The following ABCC9 variants were observed in gnomAD, a reference collection of about 807,000 sequenced individuals.
ABCC9 encodes the protein ATP-binding cassette sub-family C member 9.
A neutral mutation model predicts 188.3 loss-of-function variants in ABCC9; 95 were observed. The ratio of observed to expected loss-of-function variants is 0.50; its 90% CI spans 0.43 to 0.60. The LOEUF (loss-of-function observed/expected upper bound fraction) is 0.60, where lower values mean the gene tolerates loss of function less well. Among genes scored for constraint, ABCC9 ranks in the 20% least tolerant of loss-of-function variants. The pLI is 0.00. For missense variants in ABCC9, 1,102 were observed against 1,876.3 expected, an observed-to-expected ratio of 0.59 and a Z score of 7.62; for synonymous variants, 659 against 652.7, an observed-to-expected ratio of 1.01 and a Z score of -0.15.
At chr12:21,802,477 TTTAACCC>T (rs1941514880) in intron 39 of ABCC9, among the ~76,000 whole-genome samples, 2 of 152,164 alleles carry the variant, frequency 1.3e-5, no homozygotes, top group African/African-American at 4.8e-5. Context: ...TTTAATACAT[TTTAACCC>T]AATCTATTCA....
chr12:21,814,918 C>T (rs372312663), intron 34 of ABCC9, among the ~76,000 whole-genome samples, 196 bp from the exon 35 acceptor site: 14 of 152,118 alleles, frequency 9.2e-5, no homozygotes, highest in Non-Finnish European at 1.6e-4. Context: ...CACAATGGCT[C>T]ACACCTGTAA....
chr12:21,907,997 T>C, intron 11 of ABCC9, 80 bp downstream of exon 11: 1 of 1,396,470 alleles, frequency 7.2e-7, no homozygotes. Flanking sequence ...TCTTTAGTGG[T>C]ATGTATTAAT....
At chr12:21,872,121 A>G (rs912264455) in intron 18 of ABCC9, among the ~76,000 whole-genome samples, 151 of 152,256 alleles carry the variant, frequency 9.9e-4, no homozygotes, top group African/African-American at 3.4e-3. Context: ...CACTAATCAA[A>G]GCTATTCATA....
chr12:21,901,019 G>A (rs959365969), intron 12 of ABCC9, among the ~76,000 whole-genome samples: 10 of 152,130 alleles, frequency 6.6e-5, no homozygotes, highest in Non-Finnish European at 1.5e-4. Flanking sequence ...CACCAAAGTT[G>A]AAATGAAGGA....
At chr12:21,821,552 T>C (rs1943039247) in intron 31 of ABCC9, among the ~76,000 whole-genome samples, 1 of 151,974 alleles carries the variant, frequency 6.6e-6, no homozygotes, top group African/African-American at 2.4e-5. Context: ...AATCACTGGG[T>C]CTAAATAAAT....
At chr12:21,914,014 T>A (rs1458115248) in intron 7 of ABCC9, among the ~76,000 whole-genome samples, 1 of 152,194 alleles carries the variant, frequency 6.6e-6, no homozygotes, top group Non-Finnish European at 1.5e-5. Flanking sequence ...TTAGCAGTTT[T>A]AAAAATTTTA....
chr12:21,816,705 G>T (rs1295746196), intron 33 of ABCC9, among the ~76,000 whole-genome samples: 1 of 152,080 alleles, frequency 6.6e-6, no homozygotes, highest in Non-Finnish European at 1.5e-5. Flanking sequence ...TGTCCTTGAA[G>T]AACTAGATGA....
At chr12:21,838,989 G>A (rs947807811) in intron 29 of ABCC9, among the ~76,000 whole-genome samples, 1 of 152,150 alleles carries the variant, frequency 6.6e-6, no homozygotes, top group East Asian at 1.9e-4. Context: ...TCACTCCACC[G>A]CACTCCAGCC....
chr12:21,898,316 C>T (rs1947527352), intron 12 of ABCC9, among the ~76,000 whole-genome samples: 1 of 152,270 alleles, frequency 6.6e-6, no homozygotes, highest in East Asian at 1.9e-4. Context: ...TTCTTGGCTA[C>T]ATCCATCCTT....
chr12:21,815,948 G>T, intron 33 of ABCC9, 55 bp from the exon 34 acceptor site: 1 of 1,374,926 alleles, frequency 7.3e-7, no homozygotes, highest in Non-Finnish European at 1.0e-6. Context: ...GATTGATGTA[G>T]AAAGAAATGT....
At chr12:21,848,005 A>G (rs1218845607) in intron 25 of ABCC9, 145 bp downstream of exon 25, 6 of 692,418 alleles carry the variant, frequency 8.7e-6, no homozygotes, top group East Asian at 2.9e-5. Context: ...CTTGACTCCT[A>G]TTGTTTCCAT....
chr12:21,805,511 TTGGTG>T (rs769675815), intron 39 of ABCC9, among the ~76,000 whole-genome samples: 11 of 152,190 alleles, frequency 7.2e-5, no homozygotes, highest in Non-Finnish European at 1.2e-4. Context: ...TTCTATTTGA[TTGGTG>T]CTATCTAAAA....
At chr12:21,888,604 A>G (rs1173666241) in intron 14 of ABCC9, among the ~76,000 whole-genome samples, 2 of 152,138 alleles carry the variant, frequency 1.3e-5, no homozygotes, top group African/African-American at 4.8e-5. Flanking sequence ...TATGTATTTG[A>G]CCAATACTCA....
chr12:21,839,456 C>T (rs1323639010), intron 29 of ABCC9, among the ~76,000 whole-genome samples: 2 of 152,192 alleles, frequency 1.3e-5, no homozygotes, highest in African/African-American at 2.4e-5. Flanking sequence ...CTTCCATTCA[C>T]AGTTTCTCTA....
rs188684347 is a variant in ABCC9, at chr12:21,803,069, C to T, written c.4513-1888G>A. Among the ~76,000 whole-genome samples the T allele has an allele frequency of 1.1e-3, 161 of 151,666 alleles. 2 individuals are homozygous for T. The highest frequency in any genetic ancestry group is 3.2e-3 in the African/African-American group (134 of 41,380). On this transcript the variant is annotated intron_variant, in intron 39 of 39. Coordinates refer to ENST00000261200, the MANE Select transcript of ABCC9 (RefSeq NM_020297.4). ...GCAAAAGTAATCATGTCAAAGACCA[C>T]GATTACTTTTGCACCAACCTAATAC...
intron 4 of ABCC9, among the ~76,000 whole-genome samples, chr12:21,933,060 A>T (rs1470194674): frequency 3.5e-5 from 4 of 115,284 alleles, no homozygotes; most frequent in Admixed American, 9.1e-5. Flanking sequence ...CCAGAAAAAA[A>T]CAAGATAATT....
intron 16 of ABCC9, among the ~76,000 whole-genome samples, chr12:21,876,239 T>G (rs757482030): frequency 9.2e-5 from 14 of 152,218 alleles, no homozygotes; most frequent in Non-Finnish European, 1.6e-4. Context: ...CTAAAATCTC[T>G]GAAAATTTGG....
chr12:21,888,867 A>G (rs1246783342), intron 14 of ABCC9, among the ~76,000 whole-genome samples: 1 of 151,662 alleles, frequency 6.6e-6, no homozygotes, highest in East Asian at 1.9e-4. Flanking sequence ...GTGAAGTTGC[A>G]AAGGAAAAGA....
intron 5 of ABCC9, among the ~76,000 whole-genome samples, chr12:21,919,219 T>C (rs921005176): frequency 2.0e-5 from 3 of 151,656 alleles, no homozygotes; most frequent in African/African-American, 7.3e-5. Context: ...AAATGAACAA[T>C]TGATAAAATG....
Sources: allele counts gnomAD v4.1 joint callset (sites outside exome capture counted in the v4.1 genomes callset), GRCh38; gene constraint gnomAD v4.1.1; transcripts MANE v1.5; gene names NCBI Gene and HGNC (gene_info 2026-07-23, HGNC 2026-07-21).